ZMIZ1: variants seen among roughly 807,000 people sequenced by gnomAD.
ZMIZ1 encodes the protein zinc finger MIZ-type containing 1.
Under a neutral mutation model 113.9 loss-of-function variants are expected in ZMIZ1, and 17 were observed. The observed-to-expected ratio is 0.15, with a 90% CI of 0.10 to 0.22. The LOEUF (loss-of-function observed/expected upper bound fraction) is 0.22, where lower values mean the gene tolerates loss of function less well. Among genes scored for constraint, ZMIZ1 ranks in the 10% least tolerant of loss-of-function variants. The pLI is 1.00. For missense variants in ZMIZ1, 1,059 were observed against 1,477.8 expected (o/e 0.72, Z 4.65); for synonymous variants, 607 against 603.1 (o/e 1.01, Z -0.09).
intron 7 of ZMIZ1, among the ~76,000 whole-genome samples, chr10:79,237,896 G>A (rs557079246): frequency 1.4e-4 from 21 of 152,328 alleles, no homozygotes; most frequent in African/African-American, 3.6e-4. Flanking sequence ...CTAACAGCTC[G>A]TCAGGGCCAC....
At chr10:79,242,302 A>G (rs1159020758) in intron 7 of ZMIZ1, among the ~76,000 whole-genome samples, 2 of 151,918 alleles carry the variant, frequency 1.3e-5, no homozygotes, top group African/African-American at 4.8e-5. Context: ...GGCCGCGCGC[A>G]GCCGCCCCCG....
At chr10:79,306,453 G>A (rs1564605498) in intron 22 of ZMIZ1, 109 bp downstream of exon 22, 6 of 1,504,872 alleles carry the variant, frequency 4.0e-6, no homozygotes, top group Non-Finnish European at 5.3e-6. Flanking sequence ...TGTGGTTGAA[G>A]AGAGAGAAGT....
intron 3 of ZMIZ1, among the ~76,000 whole-genome samples, chr10:79,160,689 A>ATCGAGGCCCTGGGCACCG: frequency 6.6e-6 from 1 of 152,178 alleles, no homozygotes; most frequent in South Asian, 2.1e-4. Context: ...CCTGGGCACC[A>ATCGAGGCCCTGGGCACCG]TTTCTCCCTG....
At chr10:79,295,055 G>C (rs1265900195) in intron 12 of ZMIZ1, 1 of 152,138 alleles carries the variant, frequency 6.6e-6, no homozygotes, top group African/African-American at 2.4e-5. Flanking sequence ...TTGGCTCCTG[G>C]GTCCTGAGTT....
chr10:79,165,254 G>T (rs1846277034), intron 4 of ZMIZ1, among the ~76,000 whole-genome samples: 1 of 152,156 alleles, frequency 6.6e-6, no homozygotes, highest in African/African-American at 2.4e-5. Context: ...TTCCTCCCCT[G>T]CCTGGGTGAG....
chr10:79,304,218 C>A, intron 19 of ZMIZ1, 43 bp downstream of exon 19: 1 of 1,591,032 alleles, frequency 6.3e-7, no homozygotes, highest in Non-Finnish European at 8.6e-7. Flanking sequence ...GCCACCTAGA[C>A]TCTGGCTGGG....
intron 23 of ZMIZ1, among the ~76,000 whole-genome samples, chr10:79,310,526 G>T (rs1414423547): frequency 6.6e-6 from 1 of 152,184 alleles, no homozygotes; most frequent in Non-Finnish European, 1.5e-5. Context: ...CGCTGAGGCA[G>T]CCGCCCTCCT....
chr10:79,120,221 C>T (rs1209853992), intron 2 of ZMIZ1, among the ~76,000 whole-genome samples: 4 of 152,212 alleles, frequency 2.6e-5, no homozygotes, highest in African/African-American at 7.2e-5. Flanking sequence ...TGTACACAGA[C>T]GTCGCTTCTG....
In ZMIZ1 at chr10:79,315,243, G is replaced by C. The variant is rs1382686161; in HGVS notation, c.*2494G>C. Reference sequence around the variant, plus strand: ...TGGTGCCTACAGCCTGCAGTCTGGAGACAAGCTCTTCCGGAGTGCTCTGGG... The same window carrying C: ...TGGTGCCTACAGCCTGCAGTCTGGACACAAGCTCTTCCGGAGTGCTCTGGG... On this transcript the variant is annotated 3_prime_UTR_variant, in exon 25 of 25. Transcript: ENST00000334512. The C allele has an allele frequency of 6.5e-6, 1 of 152,814 alleles. No individual in the cohort carries two copies. The highest frequency in any genetic ancestry group is 2.4e-5 in the African/African-American group (1 of 41,440). The allele number at this position is 152,814 out of a possible 1,614,324, so 9.5% of individuals were successfully genotyped here. A position where few individuals can be genotyped will look rare whatever the true frequency, so the allele number is the denominator to read the frequency against.
intron 12 of ZMIZ1, chr10:79,294,233 A>C (rs1020203322): frequency 6.1e-6 from 1 of 165,036 alleles, no homozygotes; most frequent in Non-Finnish European, 1.3e-5. Context: ...GAAGGCCGGC[A>C]GCTGTTTCCA....
At chr10:79,208,052 G>A (rs1437984393) in intron 5 of ZMIZ1, among the ~76,000 whole-genome samples, 1 of 149,690 alleles carries the variant, frequency 6.7e-6, no homozygotes, top group African/African-American at 2.5e-5. Context: ...TGGGGATGGG[G>A]GTAGAGGTGG....
chr10:79,282,360 TGCCCGC>T (rs1852791353), intron 8 of ZMIZ1, among the ~76,000 whole-genome samples: 3 of 152,220 alleles, frequency 2.0e-5, no homozygotes, highest in Non-Finnish European at 4.4e-5. Context: ...TGAGATTTGA[TGCCCGC>T]AGGTATCTGG....
At chr10:79,126,057 G>A (rs879607756) in intron 2 of ZMIZ1, among the ~76,000 whole-genome samples, 2 of 152,170 alleles carry the variant, frequency 1.3e-5, no homozygotes, top group East Asian at 1.9e-4. Context: ...AGAGCTGCAC[G>A]GGAACCCGCA....
chr10:79,229,101 TGG>T (rs1849297917), intron 7 of ZMIZ1, among the ~76,000 whole-genome samples: 1 of 152,348 alleles, frequency 6.6e-6, no homozygotes, highest in African/African-American at 2.4e-5. Context: ...CCAGCTCTCC[TGG>T]CTGGAGCAGC....
chr10:79,209,342 A>T (rs1050637468), intron 6 of ZMIZ1, among the ~76,000 whole-genome samples: 3 of 152,228 alleles, frequency 2.0e-5, no homozygotes, highest in Admixed American at 6.5e-5. Flanking sequence ...AGTTTGTGGT[A>T]TGATCGGCCA....
intron 2 of ZMIZ1, among the ~76,000 whole-genome samples, chr10:79,137,112 C>CCTCAGG (rs1480806500): frequency 6.6e-6 from 1 of 152,162 alleles, no homozygotes; most frequent in Non-Finnish European, 1.5e-5. Context: ...ATTGTATAAG[C>CCTCAGG]CTCAGGCCCT....
At chr10:79,211,525 A>G (rs1848527132) in intron 6 of ZMIZ1, among the ~76,000 whole-genome samples, 2 of 152,160 alleles carry the variant, frequency 1.3e-5, no homozygotes, top group Non-Finnish European at 2.9e-5. Flanking sequence ...GCAAACTCCA[A>G]ATTCCTCTGG....
intron 1 of ZMIZ1, among the ~76,000 whole-genome samples, chr10:79,071,788 A>G (rs769450675): frequency 5.9e-5 from 9 of 152,206 alleles, no homozygotes. Context: ...TTGGGGGCCC[A>G]GGGAATGCAT....
At chr10:79,279,892 A>G (rs1042681936) in intron 8 of ZMIZ1, among the ~76,000 whole-genome samples, 24 of 152,138 alleles carry the variant, frequency 1.6e-4, no homozygotes, top group African/African-American at 5.8e-4. Flanking sequence ...GGGAGGTTGC[A>G]GTGAGCCGAG....
Sources: allele counts gnomAD v4.1 joint callset (sites outside exome capture counted in the v4.1 genomes callset), GRCh38; gene constraint gnomAD v4.1.1; transcripts MANE v1.5; gene names NCBI Gene and HGNC (gene_info 2026-07-23, HGNC 2026-07-21).